Variants in CARS1 observed in about 807,000 individuals in gnomAD.
The protein encoded by CARS1 is cysteine--tRNA ligase, cytoplasmic.
CARS1 carries 48 observed loss-of-function variants against 106.2 expected under a neutral mutation model. The observed-to-expected ratio is 0.45, with a 90% CI of 0.36 to 0.57. The LOEUF (loss-of-function observed/expected upper bound fraction) is 0.57. Among genes scored for constraint, CARS1 ranks in the 20% least tolerant of loss-of-function variants. The probability of loss-of-function intolerance (pLI) is 0.00; values close to 1 mark genes in which losing one functional copy is unlikely to be tolerated. For synonymous variants in CARS1, 409 were observed against 403.4 expected, an observed-to-expected ratio of 1.01 and a Z score of -0.17; for missense variants, 968 against 1,057.2, an observed-to-expected ratio of 0.92 and a Z score of 1.17.
chr11:3,054,603 T>A (rs565654880), intron 1 of CARS1, among the ~76,000 whole-genome samples: 1 of 152,200 alleles, frequency 6.6e-6, no homozygotes, highest in Admixed American at 6.5e-5. Flanking sequence ...AAGGTCCCTA[T>A]TGAGTCAGGC....
chr11:3,005,447 T>G lies in CARS1; in HGVS notation c.2150-14A>C. The G allele has an allele frequency of 6.2e-7, 1 of 1,610,664 alleles. No homozygotes were observed. Among genetic ancestry groups the G allele is most frequent in the Non-Finnish European group, 8.5e-7 (1 of 1,177,018 alleles). ...CTGTGGGCAGTCCTGCAAAATAAAC[T>G]GCGTGTGAGAAGAGTCTGGGCTCTG... On this transcript the variant is annotated splice_polypyrimidine_tract_variant and intron_variant, in intron 19 of 22. Transcript: ENST00000380525.
intron 16 of CARS1, among the ~76,000 whole-genome samples, chr11:3,016,864 T>A (rs1422604879): frequency 1.3e-5 from 2 of 152,230 alleles, no homozygotes; most frequent in Non-Finnish European, 2.9e-5. Context: ...TACACTCACC[T>A]GGCCTCCCAC....
rs1851464712 is a variant in CARS1 at position 3,020,370 on chromosome 11, A to AT, written c.1154-39_1154-38insA. The AT allele has an allele frequency of 1.6e-6, 2 of 1,267,316 alleles. No homozygotes were observed. Among genetic ancestry groups the AT allele is most frequent in the Non-Finnish European group, 2.3e-6 (2 of 865,132 alleles). 78.5% of individuals were successfully genotyped at this position (1,267,316 alleles called of 1,614,324 possible). The stretch of plus-strand genomic sequence containing the variant: ...GGGACGCCAGGCAAGGTCACTCAGC[A>AT]GCACCCACAGACCCACATGTCTCAC... On this transcript the variant is annotated intron_variant, in intron 10 of 22. Transcript: ENST00000380525. This position sits in a 1 kb window ranked among gnomAD's most constrained non-coding sequence, Gnocchi z 4.6.
rs1854481784 is a variant in CARS1 at position 3,041,733 on chromosome 11, T to C, written c.366+432A>G. ...CATTCTGTTAGGAACCAATCCTGCC[T>C]TCTTCTCAAAACCTGCTGTGCTCCC... is the stretch of plus-strand genomic sequence containing the variant. On this transcript the variant is annotated intron_variant, in intron 3 of 22. Coordinates refer to ENST00000380525, the MANE Select transcript of CARS1 (RefSeq NM_001014437.3). The surrounding 1 kb of genome is among the most constrained non-coding windows in gnomAD (Gnocchi z 4.9). Among the ~76,000 whole-genome samples, 1 of 152,210 alleles carries C rather than the reference T, an allele frequency of 6.6e-6. No homozygotes were observed. The highest frequency in any genetic ancestry group is 6.5e-5 in the Admixed American group (1 of 15,270).
At chr11:3,009,947 G>A (rs879659650) in intron 18 of CARS1, among the ~76,000 whole-genome samples, 1 of 152,178 alleles carries the variant, frequency 6.6e-6, no homozygotes, top group Non-Finnish European at 1.5e-5. Flanking sequence ...CCTCTAACAC[G>A]CTGCCCCGTC....
In CARS1 at chr11:3,044,784, A is replaced by T. The variant is rs1245050029; in HGVS notation, c.275-2528T>A. On this transcript the variant is annotated intron_variant, in intron 2 of 22. Coordinates refer to ENST00000380525, the MANE Select transcript of CARS1 (RefSeq NM_001014437.3). The surrounding 1 kb of genome is among the most constrained non-coding windows in gnomAD (Gnocchi z 4.4). The stretch of plus-strand genomic sequence containing the variant: ...TGAGTGATCCAACAACAGACCAACT[A>T]TGAACCGCTCATGAGAGACATGGCT... 6.6e-6 allele frequency among the ~76,000 whole-genome samples: 1 copy of T among 152,130 alleles called. No homozygotes were observed. The highest frequency in any genetic ancestry group is 1.5e-5 in the Non-Finnish European group (1 of 68,032).
intron 17 of CARS1, among the ~76,000 whole-genome samples, chr11:3,015,518 G>C (rs999912232): frequency 1.3e-5 from 2 of 152,238 alleles, no homozygotes; most frequent in African/African-American, 4.8e-5. Flanking sequence ...TATGTAGTTG[G>C]GGTCCAAGAC....
chr11:3,005,672 A>C (rs1849794010), intron 19 of CARS1, among the ~76,000 whole-genome samples: 1 of 142,496 alleles, frequency 7.0e-6, no homozygotes, highest in Non-Finnish European at 1.5e-5. Context: ...TTGCTCTGTC[A>C]TCCAGGCTGG....
chr11:3,015,672 G>A, intron 17 of CARS1, 109 bp downstream of exon 17: 1 of 939,064 alleles, frequency 1.1e-6, no homozygotes, highest in South Asian at 1.3e-5. Flanking sequence ...CTGTCCGGAA[G>A]GGTCTGGTGT....
rs1480884902 is a variant in CARS1 at position 3,050,680 on chromosome 11, C to A, written c.26-2679G>T. The stretch of plus-strand genomic sequence containing the variant: ...ATGGGCCCCCACCTGACTCACAATA[C>A]CCTAGTCACATGGCCCCTCCACCTG... On this transcript the variant is annotated intron_variant, in intron 1 of 22. Transcript: ENST00000380525. The surrounding 1 kb of genome is among the most constrained non-coding windows in gnomAD (Gnocchi z 6.3). Among the ~76,000 whole-genome samples, 3 of 152,194 alleles carry A rather than the reference C, an allele frequency of 2.0e-5. No homozygotes were observed. Among genetic ancestry groups the A allele is most frequent in the African/African-American group, 7.2e-5 (3 of 41,442 alleles).
chr11:3,007,067 T>C, intron 18 of CARS1, 108 bp from the exon 19 acceptor site: 1 of 916,896 alleles, frequency 1.1e-6, no homozygotes, highest in Non-Finnish European at 1.8e-6. Flanking sequence ...ACAGAACAAG[T>C]GCCTCCTCCA....
chr11:3,016,252 A>C (rs1398956494), intron 16 of CARS1, among the ~76,000 whole-genome samples: 2 of 140,988 alleles, frequency 1.4e-5, no homozygotes, highest in Admixed American at 1.5e-4. Context: ...ATGGAATCTC[A>C]CTCTGTCGCC....
rs1265978072 is a variant in CARS1, at chr11:3,048,843, C to T, written c.26-842G>A. Among the ~76,000 whole-genome samples the T allele has an allele frequency of 6.6e-6, 1 of 152,230 alleles. No individual in the cohort carries two copies. The highest frequency in any genetic ancestry group is 1.5e-5 in the Non-Finnish European group (1 of 68,044). On this transcript the variant is annotated intron_variant, in intron 1 of 22. Coordinates refer to ENST00000380525, the MANE Select transcript of CARS1 (RefSeq NM_001014437.3). The surrounding 1 kb of genome is among the most constrained non-coding windows in gnomAD (Gnocchi z 5.1). ...TCACCTGGCCCCTGGCCCCTGGCCCCAGGCCCCAGCCTCCCTCCTTAGAGC... is the reference window on the plus strand; with the variant it reads ...TCACCTGGCCCCTGGCCCCTGGCCCTAGGCCCCAGCCTCCCTCCTTAGAGC...
In CARS1 at chr11:3,043,221, C is replaced by T. The variant is rs187736528; in HGVS notation, c.275-965G>A. ...CCAACCTGGCACAAGGCTGTCCTTACACAACCTGCATCTGAGATCCCTGAA... is the reference window on the plus strand; with the variant it reads ...CCAACCTGGCACAAGGCTGTCCTTATACAACCTGCATCTGAGATCCCTGAA... On this transcript the variant is annotated intron_variant, in intron 2 of 22. Transcript: ENST00000380525. This position sits in a 1 kb window ranked among gnomAD's most constrained non-coding sequence, Gnocchi z 4.0. Among the ~76,000 whole-genome samples the T allele has an allele frequency of 6.0e-4, 92 of 152,194 alleles. No individual in the cohort carries two copies. The highest frequency in any genetic ancestry group is 2.2e-3 in the African/African-American group (90 of 41,546).
chr11:3,031,746 T>C (rs774345021), intron 7 of CARS1, among the ~76,000 whole-genome samples: 5 of 152,040 alleles, frequency 3.3e-5, no homozygotes, highest in African/African-American at 4.8e-5. Flanking sequence ...GGAACCAGTG[T>C]TGGGGGAGGA....
At chr11:3,036,572 G>C (rs1220402508) in intron 7 of CARS1, among the ~76,000 whole-genome samples, 1 of 152,226 alleles carries the variant, frequency 6.6e-6, no homozygotes, top group African/African-American at 2.4e-5. Flanking sequence ...TGCACTATGG[G>C]TGGGAATGTG....
At position 3,030,387 on chromosome 11, in the gene CARS1, A is replaced by C. The variant is rs1454664361; in HGVS notation, c.802-944T>G. 6.6e-6 allele frequency: 1 copy of C among 152,240 alleles called. No individual in the cohort carries two copies. The highest frequency in any genetic ancestry group is 2.4e-5 in the African/African-American group (1 of 41,454). 9.4% of individuals were successfully genotyped at this position (152,240 alleles called of 1,614,324 possible). A position where few individuals can be genotyped will look rare whatever the true frequency, so the allele number is the denominator to read the frequency against. On this transcript the variant is annotated intron_variant, in intron 7 of 22. Transcript: ENST00000380525. This position sits in a 1 kb window ranked among gnomAD's most constrained non-coding sequence, Gnocchi z 5.7. ...ATGTATTGCAGGCCTGCAAGTGGCA[A>C]GGCACGTCTGCAGGAATGAGCACAC...
chr11:3,002,153 C>A, intron 21 of CARS1, 100 bp from the exon 22 acceptor site: 1 of 827,220 alleles, frequency 1.2e-6, no homozygotes. Flanking sequence ...CAACTTGCTT[C>A]CAAGCCCTCA....
rs1851645900 is a variant in CARS1 at position 3,022,398 on chromosome 11, C to T, written c.1154-2066G>A. 2.0e-5 allele frequency among the ~76,000 whole-genome samples: 3 copies of T among 152,116 alleles called. No individual in the cohort carries two copies. In the South Asian group the frequency reaches 6.2e-4, roughly 32 times the overall value. The stretch of plus-strand genomic sequence containing the variant: ...CCCAGCAACCGGCAATCCCCATCAC[C>T]TGTCCAGAGCAATTAAAAACCCCTC... On this transcript the variant is annotated intron_variant, in intron 10 of 22. Coordinates refer to ENST00000380525, the MANE Select transcript of CARS1 (RefSeq NM_001014437.3). The surrounding 1 kb of genome is among the most constrained non-coding windows in gnomAD (Gnocchi z 4.9).
Sources: allele counts gnomAD v4.1 joint callset (sites outside exome capture counted in the v4.1 genomes callset), GRCh38; gene constraint gnomAD v4.1.1; non-coding constraint Gnocchi (gnomAD v3.1); transcripts MANE v1.5; gene names NCBI Gene and HGNC (gene_info 2026-07-23, HGNC 2026-07-21).